SAMD3: variants seen among roughly 807,000 people sequenced by gnomAD.
SAMD3 encodes sterile alpha motif domain-containing protein 3.
SAMD3 carries 63 observed loss-of-function variants against 58.5 expected under a neutral mutation model. That is an observed-to-expected ratio of 1.08 (90% confidence interval 0.88 to 1.33). The LOEUF (loss-of-function observed/expected upper bound fraction) is 1.33, where lower values mean the gene tolerates loss of function less well. Among genes scored for constraint, SAMD3 ranks in the 40% most tolerant of loss-of-function variants. The probability of loss-of-function intolerance (pLI) is 0.00; values close to 1 mark genes in which losing one functional copy is unlikely to be tolerated. For synonymous variants in SAMD3, 220 were observed against 210.3 expected (o/e 1.05, Z -0.40); for missense variants, 604 against 608.4 (o/e 0.99, Z 0.08).
chr6:130,277,194 C>T (rs1480548254), intron 2 of SAMD3, among the ~76,000 whole-genome samples: 1 of 152,218 alleles, frequency 6.6e-6, no homozygotes, highest in Non-Finnish European at 1.5e-5. Context: ...TAGGCCTCTA[C>T]CATAATCCTT....
intron 1 of SAMD3, among the ~76,000 whole-genome samples, chr6:130,322,943 T>A (rs1384106779): frequency 1.3e-5 from 2 of 152,210 alleles, no homozygotes; most frequent in Admixed American, 6.5e-5. Context: ...AGTTTGTTTT[T>A]TTCCTAGCAT....
chr6:130,150,319 G>T (rs1789037222), intron 9 of SAMD3, among the ~76,000 whole-genome samples: 2 of 152,134 alleles, frequency 1.3e-5, no homozygotes, highest in South Asian at 4.1e-4. Context: ...GGTTCTCCCA[G>T]GCTGTATAAG....
intron 2 of SAMD3, among the ~76,000 whole-genome samples, chr6:130,253,959 C>G (rs1481202472): frequency 6.6e-6 from 1 of 151,856 alleles, no homozygotes; most frequent in Non-Finnish European, 1.5e-5. Flanking sequence ...TAATTAGATA[C>G]ATTCAAAATG....
At chr6:130,146,846 G>T (rs745659768) in intron 9 of SAMD3, among the ~76,000 whole-genome samples, 1 of 152,070 alleles carries the variant, frequency 6.6e-6, no homozygotes, top group Non-Finnish European at 1.5e-5. Context: ...GGCAACATAC[G>T]TGTATAGTCT....
At chr6:130,210,973 A>G (rs1795496183) in intron 4 of SAMD3, among the ~76,000 whole-genome samples, 1 of 151,890 alleles carries the variant, frequency 6.6e-6, no homozygotes, top group African/African-American at 2.4e-5. Flanking sequence ...ACAAAAAATT[A>G]GCTGGGCATG....
chr6:130,222,331 G>A (rs1157688351), intron 1 of SAMD3, among the ~76,000 whole-genome samples: 2 of 152,086 alleles, frequency 1.3e-5, no homozygotes, highest in Non-Finnish European at 2.9e-5. Flanking sequence ...CCAGCAATAG[G>A]AATTGGCCAA....
chr6:130,279,434 T>C (rs1276093723), intron 2 of SAMD3, among the ~76,000 whole-genome samples: 3 of 152,006 alleles, frequency 2.0e-5, no homozygotes, highest in Non-Finnish European at 2.9e-5. Flanking sequence ...TCCTCCATGA[T>C]TGTAAGTTTC....
At chr6:130,298,787 A>G (rs182720685) in intron 2 of SAMD3, among the ~76,000 whole-genome samples, 1 of 152,258 alleles carries the variant, frequency 6.6e-6, no homozygotes, top group East Asian at 1.9e-4. Flanking sequence ...ATGGAGAAAG[A>G]TCAATCACAC....
chr6:130,346,756 G>A (rs1583137815), intron 1 of SAMD3, among the ~76,000 whole-genome samples: 1 of 152,338 alleles, frequency 6.6e-6, no homozygotes, highest in Non-Finnish European at 1.5e-5. Flanking sequence ...CGCAGCTGGA[G>A]ATCTGAGAAC....
At chr6:130,287,527 T>A (rs1325804723) in intron 2 of SAMD3, among the ~76,000 whole-genome samples, 1 of 152,226 alleles carries the variant, frequency 6.6e-6, no homozygotes, top group Non-Finnish European at 1.5e-5. Flanking sequence ...TATTCTATTT[T>A]ATTTTATCTT....
At chr6:130,227,515 C>G (rs1001666509), upstream of SAMD3, among the ~76,000 whole-genome samples, 1 of 152,102 alleles carries the variant, frequency 6.6e-6, no homozygotes, top group African/African-American at 2.4e-5. Flanking sequence ...TTGCCAGGCA[C>G]GGTGGCTCAT....
intron 2 of SAMD3, among the ~76,000 whole-genome samples, chr6:130,290,426 A>G (rs964682128): frequency 6.6e-6 from 1 of 152,220 alleles, no homozygotes; most frequent in African/African-American, 2.4e-5. Context: ...AGGCTCACCC[A>G]TGATATGAGA....
intron 2 of SAMD3, among the ~76,000 whole-genome samples, chr6:130,273,189 G>T (rs1321323760): frequency 6.6e-6 from 1 of 151,858 alleles, no homozygotes; most frequent in East Asian, 1.9e-4. Context: ...ATTTACAAAT[G>T]ATGGTAGGTG....
At chr6:130,170,672 G>T (rs1484529355) in intron 8 of SAMD3, among the ~76,000 whole-genome samples, 1 of 152,112 alleles carries the variant, frequency 6.6e-6, no homozygotes, top group Non-Finnish European at 1.5e-5. Context: ...GTCCCTTGTA[G>T]GTTGTATTCC....
intron 7 of SAMD3, among the ~76,000 whole-genome samples, chr6:130,181,709 T>C (rs1792344532): frequency 6.6e-6 from 1 of 152,180 alleles, no homozygotes; most frequent in Admixed American, 6.5e-5. Flanking sequence ...TCTAATAGTA[T>C]TGGTTACTTA....
At chr6:130,275,555 AC>A (rs1240585982) in intron 2 of SAMD3, among the ~76,000 whole-genome samples, 1 of 152,148 alleles carries the variant, frequency 6.6e-6, no homozygotes, top group Non-Finnish European at 1.5e-5. Context: ...CAGTTAAAGC[AC>A]AATTGTATAT....
intron 2 of SAMD3, among the ~76,000 whole-genome samples, chr6:130,269,007 T>C (rs1774460436): frequency 6.6e-6 from 1 of 152,192 alleles, no homozygotes; most frequent in African/African-American, 2.4e-5. Context: ...GATTATGCTT[T>C]TGATGTCAGG....
At chr6:130,240,011 T>C (rs967997289) in intron 2 of SAMD3, among the ~76,000 whole-genome samples, 1 of 152,170 alleles carries the variant, frequency 6.6e-6, no homozygotes, top group Non-Finnish European at 1.5e-5. Context: ...GCCAAATCCA[T>C]TCTGTATAAA....
rs1219141554 is a variant in SAMD3, at chr6:130,146,983, G to GAA, written c.1024-804_1024-803dup. Among the ~76,000 whole-genome samples, 51 of 152,112 alleles carry GAA rather than the reference G, an allele frequency of 3.4e-4. 1 individual carries two copies. Among genetic ancestry groups the GAA allele is most frequent in the African/African-American group, 1.0e-3 (42 of 41,500 alleles). On this transcript the variant is annotated intron_variant, in intron 9 of 11. Coordinates refer to ENST00000439090, the MANE Select transcript of SAMD3 (RefSeq NM_001017373.4). ...AGTGAGACCCTGTCTCAAAAGAAAA[G>GAA]AAAGAAAAAGAAACAATGTATGTGC...
Sources: gnomAD v4.1 joint callset for allele counts (sites outside exome capture counted in the v4.1 genomes callset) on GRCh38, gnomAD v4.1.1 for gene constraint, MANE v1.5 for transcripts, NCBI Gene and HGNC (gene_info 2026-07-23, HGNC 2026-07-21) for gene names.